CLDN1: variants seen among roughly 807,000 people sequenced by gnomAD.
CLDN1 encodes claudin 1, also known as claudin-1.
In CLDN1, 12 loss-of-function variants were observed where a neutral mutation model predicts 22.6. That is an observed-to-expected ratio of 0.53 (90% CI 0.34 to 0.86). The LOEUF (loss-of-function observed/expected upper bound fraction) is 0.86, where lower values mean the gene tolerates loss of function less well. Ranked by LOEUF, CLDN1 falls within the 40% of genes least tolerant of loss-of-function variation. The pLI, the probability that CLDN1 is intolerant of heterozygous loss-of-function variation, is 0.02. For missense variants in CLDN1, 250 were observed against 269.5 expected (o/e 0.93, Z 0.51); for synonymous variants, 99 against 103.8 (o/e 0.95, Z 0.28).
chr3:190,321,689 G>A (rs1219367264), intron 1 of CLDN1, among the ~76,000 whole-genome samples: 4 of 152,132 alleles, frequency 2.6e-5, no homozygotes, highest in Non-Finnish European at 5.9e-5. Context: ...TCAAGTTCAA[G>A]TTTGGCCTTC....
intron 1 of CLDN1, 67 bp from the exon 2 acceptor site, chr3:190,313,103 C>T: frequency 1.3e-6 from 2 of 1,563,202 alleles, no homozygotes; most frequent in Non-Finnish European, 1.8e-6. Flanking sequence ...TGGAAGAAGA[C>T]CAAGTATATG....
At chr3:190,315,288 C>G (rs546938040) in intron 1 of CLDN1, among the ~76,000 whole-genome samples, 1 of 152,244 alleles carries the variant, frequency 6.6e-6, no homozygotes, top group East Asian at 1.9e-4. Flanking sequence ...TTGCCTGGAA[C>G]AGTCCTAGCT....
Position 190,321,991 on chromosome 3 carries a change from A to T in CLDN1, c.216T>A (p.Asn72Lys), listed in dbSNP as rs1716934639. The T allele has an allele frequency of 6.2e-7, 1 of 1,613,956 alleles. No homozygotes were observed. Among genetic ancestry groups the T allele is most frequent in the African/African-American group, 1.3e-5 (1 of 74,924 alleles). ...IQCKVFDSLLNLSSTLQATRA... is the reference protein window; with the variant it reads ...IQCKVFDSLLKLSSTLQATRA... ...AGGTGGGGGTGCACTCACTGCTCAGATTCAGCAAGGAGTCAAAGACTTTGC... is the reference window on the plus strand; with the variant it reads ...AGGTGGGGGTGCACTCACTGCTCAGTTTCAGCAAGGAGTCAAAGACTTTGC... Residue 72 changes from asparagine (N) to lysine (K), a missense_variant, in exon 1 of 4, where the codon AAT (asparagine) becomes AAA (lysine). By Grantham distance (94) the Asn-to-Lys change is moderately conservative. Transcript: ENST00000295522.
chr3:190,319,590 C>T (rs1716863165), intron 1 of CLDN1, among the ~76,000 whole-genome samples: 1 of 152,184 alleles, frequency 6.6e-6, no homozygotes, highest in Admixed American at 6.5e-5. Context: ...TTTAATACTT[C>T]CCGTGCTAAA....
At chr3:190,310,447 T>C (rs932668013) in intron 2 of CLDN1, among the ~76,000 whole-genome samples, 194 bp from the exon 3 acceptor site, 1 of 152,168 alleles carries the variant, frequency 6.6e-6, no homozygotes, top group African/African-American at 2.4e-5. Flanking sequence ...AAAAAAATAC[T>C]AGGTTGGCAT....
Position 190,317,709 on chromosome 3 carries a change from C to T in CLDN1, c.223+4275G>A, listed in dbSNP as rs78903486. On this transcript the variant is annotated intron_variant, in intron 1 of 3. Coordinates refer to ENST00000295522, the MANE Select transcript of CLDN1 (RefSeq NM_021101.5). ...GACCACCCACAGGTAACTAAATCTGCACATGCTCAAGTCCTACAGTTGATC... is the reference window on the plus strand; with the variant it reads ...GACCACCCACAGGTAACTAAATCTGTACATGCTCAAGTCCTACAGTTGATC... Among the ~76,000 whole-genome samples the T allele has an allele frequency of 1.5e-3, 229 of 152,264 alleles. 4 individuals carry two copies. The East Asian group carries it at 0.041, about 27-fold the overall frequency.
At chr3:190,313,182 C>T in intron 1 of CLDN1, 146 bp from the exon 2 acceptor site, 1 of 836,586 alleles carries the variant, frequency 1.2e-6, no homozygotes, top group Non-Finnish European at 1.9e-6. Flanking sequence ...GATGTTTCCG[C>T]TGGTAACCCA....
intron 1 of CLDN1, among the ~76,000 whole-genome samples, chr3:190,316,557 C>A (rs1434621192): frequency 6.6e-6 from 1 of 152,168 alleles, no homozygotes; most frequent in East Asian, 1.9e-4. Flanking sequence ...CAGATCAAAT[C>A]TAAATTGCAC....
chr3:190,310,773 G>A (rs927870461), intron 2 of CLDN1, among the ~76,000 whole-genome samples: 2 of 152,110 alleles, frequency 1.3e-5, no homozygotes, highest in Non-Finnish European at 2.9e-5. Context: ...CATTACTACT[G>A]CCCCATTGGC....
At chr3:190,314,747 T>G (rs369271160) in intron 1 of CLDN1, among the ~76,000 whole-genome samples, 82 of 152,120 alleles carry the variant, frequency 5.4e-4, no homozygotes, top group African/African-American at 1.9e-3. Flanking sequence ...TTTACAGTAT[T>G]TGAGAGATAT....
chr3:190,321,917 G>A (rs2108616587), intron 1 of CLDN1, 67 bp downstream of exon 1: 2 of 1,153,800 alleles, frequency 1.7e-6, no homozygotes, highest in Non-Finnish European at 2.6e-6. Context: ...AACAGAATGA[G>A]CCCATAAGGG....
rs562285276 is a variant in CLDN1, at chr3:190,322,141, G to A, written c.66C>T (p.Ile22=). ...TCCACTGGGGCAGGGCAGTGCTGAC[G>A]ATGGCGCCGATCCATCCCAGGAAGG... ...ILAFLGWIGA[I]VSTALPQWRI... The change falls in exon 1 of 4, where the codon ATC becomes ATT. Residue 22 remains isoleucine, a synonymous_variant. Coordinates refer to ENST00000295522, the MANE Select transcript of CLDN1 (RefSeq NM_021101.5). 15 of 1,614,228 alleles carry A rather than the reference G, an allele frequency of 9.3e-6. No homozygotes were observed. In the East Asian group the frequency reaches 3.1e-4, roughly 34 times the overall value.
chr3:190,317,385 T>G (rs1716797376), intron 1 of CLDN1, among the ~76,000 whole-genome samples: 1 of 152,218 alleles, frequency 6.6e-6, no homozygotes, highest in African/African-American at 2.4e-5. Flanking sequence ...TAAGGAGTTC[T>G]CATCATTTTC....
At chr3:190,312,804 A>G in intron 2 of CLDN1, 68 bp downstream of exon 2, 1 of 1,553,826 alleles carries the variant, frequency 6.4e-7, no homozygotes, top group South Asian at 1.1e-5. Context: ...AATGAATCCA[A>G]CGTAATAGAT....
chr3:190,311,031 A>G (rs908471481), intron 2 of CLDN1, among the ~76,000 whole-genome samples: 1 of 152,202 alleles, frequency 6.6e-6, no homozygotes. Flanking sequence ...GATAGATTAG[A>G]TGTTTCTATG....
intron 2 of CLDN1, among the ~76,000 whole-genome samples, chr3:190,311,266 C>T (rs1279764213): frequency 6.6e-6 from 1 of 152,216 alleles, no homozygotes; most frequent in African/African-American, 2.4e-5. Flanking sequence ...TCATCCTCAT[C>T]GTCTTCCAAG....
At position 190,322,146 on chromosome 3, in the gene CLDN1, C is replaced by A. The variant is rs756829297; in HGVS notation, c.61G>T (p.Ala21Ser). Residue 21 changes from alanine (A) to serine (S), a missense_variant, in exon 1 of 4, where the codon GCC (alanine) becomes TCC (serine). Coordinates refer to ENST00000295522, the MANE Select transcript of CLDN1 (RefSeq NM_021101.5). ...FILAFLGWIG[A>S]IVSTALPQWR... ...TGGGGCAGGGCAGTGCTGACGATGG[C>A]GCCGATCCATCCCAGGAAGGCGAGA... 1 of 1,614,212 alleles carries A rather than the reference C, an allele frequency of 6.2e-7. No homozygotes were observed. Among genetic ancestry groups the A allele is most frequent in the East Asian group, 2.2e-5 (1 of 44,866 alleles).
intron 2 of CLDN1, among the ~76,000 whole-genome samples, chr3:190,311,749 G>T (rs575028241): frequency 8.6e-5 from 13 of 150,976 alleles, no homozygotes; most frequent in African/African-American, 2.7e-4. Flanking sequence ...TAGATATAAA[G>T]ATATATATAT....
At position 190,322,067 on chromosome 3, in the gene CLDN1, T is replaced by A. The variant is rs750616788; in HGVS notation, c.140A>T (p.Tyr47Phe). 3.1e-6 allele frequency: 5 copies of A among 1,614,202 alleles called. No homozygotes were observed. The highest frequency in any genetic ancestry group is 3.4e-6 in the Non-Finnish European group (4 of 1,180,038). Reference sequence around the variant, plus strand: ...CACGCAGGACATCCACAGCCCCTCGTACATGGCCTGGGCGGTCACGATGTT... The same window carrying A: ...CACGCAGGACATCCACAGCCCCTCGAACATGGCCTGGGCGGTCACGATGTT... ...GDNIVTAQAMYEGLWMSCVSQ... is the reference protein window; with the variant it reads ...GDNIVTAQAMFEGLWMSCVSQ... The change falls in exon 1 of 4, where the codon TAC becomes TTC. Residue 47 changes from tyrosine (Y) to phenylalanine (F), a missense_variant. Tyr to Phe is a conservative substitution (Grantham distance 22, BLOSUM62 3). Transcript: ENST00000295522.
Sources: gnomAD v4.1 joint callset for allele counts (sites outside exome capture counted in the v4.1 genomes callset) on GRCh38, gnomAD v4.1.1 for gene constraint, MANE v1.5 for transcripts, NCBI Gene and HGNC (gene_info 2026-07-23, HGNC 2026-07-21) for gene names.